Variants in VPS53 observed in about 807,000 individuals in gnomAD.
The protein encoded by VPS53 is VPS53 subunit of GARP complex.
A neutral mutation model predicts 107.0 loss-of-function variants in VPS53; 70 were observed. The observed-to-expected ratio is 0.65, with a 90% CI of 0.54 to 0.80. The LOEUF (loss-of-function observed/expected upper bound fraction) is 0.80. VPS53 is among the 30% of genes least tolerant of loss of function. The pLI is 0.00. For missense variants in VPS53, 917 were observed against 1,049.4 expected (o/e 0.87, Z 1.74); for synonymous variants, 409 against 393.3 (o/e 1.04, Z -0.47).
intron 13 of VPS53, among the ~76,000 whole-genome samples, chr17:564,898 C>T (rs1236644212): frequency 1.3e-5 from 2 of 152,276 alleles, no homozygotes; most frequent in African/African-American, 2.4e-5. Context: ...GCTGCCTGCA[C>T]AGCTGTGCTG....
intron 2 of VPS53, among the ~76,000 whole-genome samples, chr17:700,646 A>C (rs1285846639): frequency 6.6e-6 from 1 of 152,216 alleles, no homozygotes; most frequent in Non-Finnish European, 1.5e-5. Flanking sequence ...ACAACAATTA[A>C]AACAAAGGGA....
intron 4 of VPS53, among the ~76,000 whole-genome samples, chr17:681,250 C>T (rs968472018): frequency 1.3e-5 from 2 of 152,194 alleles, no homozygotes; most frequent in Non-Finnish European, 1.5e-5. Context: ...TATTCTTCTG[C>T]CTCAGCCTCC....
At chr17:676,812 C>G (rs1041106466) in intron 4 of VPS53, among the ~76,000 whole-genome samples, 3 of 150,606 alleles carry the variant, frequency 2.0e-5, no homozygotes, top group Admixed American at 1.3e-4. Context: ...AACTGCTGGA[C>G]TAGTTAACTA....
chr17:685,606 T>G (rs1028291524), intron 4 of VPS53, among the ~76,000 whole-genome samples: 2 of 152,168 alleles, frequency 1.3e-5, no homozygotes, highest in African/African-American at 4.8e-5. Flanking sequence ...AAATTACATG[T>G]ATTAATAAAT....
rs1039307307 is a variant in VPS53, at chr17:667,047, A to G, written c.286-5152T>C. Among the ~76,000 whole-genome samples, 11 of 152,240 alleles carry G rather than the reference A, an allele frequency of 7.2e-5. No homozygotes were observed. The East Asian group carries it at 1.9e-3, about 27-fold the overall frequency. The stretch of plus-strand genomic sequence containing the variant: ...GACATGAAGTAGAGGCTGTGATCAC[A>G]GAGCAGGCCACAAATGATGGCCTGT... On this transcript the variant is annotated intron_variant, in intron 4 of 21. Transcript: ENST00000437048.
chr17:699,361 T>TC lies in VPS53; in HGVS notation c.187dup (p.Glu63GlyfsTer7). ...TTTCAGCCTAATTTTGTTCACGACTTCGTCTATGTTCGCCAGAGACTACAA... is the reference window on the plus strand; with the variant it reads ...TTTCAGCCTAATTTTGTTCACGACTTCCGTCTATGTTCGCCAGAGACTACAA... On this transcript the variant is annotated frameshift_variant, in exon 3 of 22. Transcript: ENST00000437048. LOFTEE classifies it high-confidence loss of function. 1 of 1,574,336 alleles carries TC rather than the reference T, an allele frequency of 6.4e-7. No homozygotes were observed. Among genetic ancestry groups the TC allele is most frequent in the African/African-American group, 1.4e-5 (1 of 72,474 alleles).
At chr17:593,763 G>C (rs1028917533) in intron 12 of VPS53, among the ~76,000 whole-genome samples, 4 of 152,134 alleles carry the variant, frequency 2.6e-5, no homozygotes, top group Non-Finnish European at 4.4e-5. Flanking sequence ...ATTCCTCAGG[G>C]ATCTAGAACT....
chr17:555,852 T>C (rs1019763097), intron 15 of VPS53, among the ~76,000 whole-genome samples: 4 of 152,178 alleles, frequency 2.6e-5, no homozygotes, highest in African/African-American at 7.2e-5. Flanking sequence ...CAAAGTAAAA[T>C]GTCCATTAAT....
chr17:521,823 C>A, intron 19 of VPS53, 85 bp from the exon 20 acceptor site: 3 of 1,326,270 alleles, frequency 2.3e-6, no homozygotes, highest in Non-Finnish European at 2.0e-6. Flanking sequence ...ATGTTTTTCT[C>A]GTTATACACG....
intron 7 of VPS53, among the ~76,000 whole-genome samples, chr17:648,699 C>A (rs1437129319): frequency 6.6e-6 from 1 of 151,522 alleles, no homozygotes; most frequent in Admixed American, 6.6e-5. Flanking sequence ...GAAGATCTTA[C>A]ACTGGAGGAC....
chr17:657,246 G>A, intron 5 of VPS53: 1 of 1,079,508 alleles, frequency 9.3e-7, no homozygotes, highest in Non-Finnish European at 1.4e-6. Context: ...CAGGTGTACA[G>A]CAAAGCAACC....
intron 13 of VPS53, among the ~76,000 whole-genome samples, chr17:578,498 C>T (rs1349038044): frequency 6.7e-6 from 1 of 150,000 alleles, no homozygotes; most frequent in South Asian, 2.1e-4. Context: ...TAATGCATTC[C>T]TAGAGAACTT....
At position 556,365 on chromosome 17, in the gene VPS53, G is replaced by A. The variant is rs147815188; in HGVS notation, c.1705-2903C>T. On this transcript the variant is annotated intron_variant, in intron 15 of 21. Transcript: ENST00000437048. ...ATACATCATTATTGGTTCATTAATT[G>A]TAACAAATATTTCATATCAATGTTA... Among the ~76,000 whole-genome samples, 197 of 152,304 alleles carry A rather than the reference G, an allele frequency of 1.3e-3. 1 individual carries two copies. Among genetic ancestry groups the A allele is most frequent in the African/African-American group, 4.6e-3 (192 of 41,566 alleles).
intron 7 of VPS53, among the ~76,000 whole-genome samples, chr17:640,912 T>C (rs537669656): frequency 2.5e-4 from 38 of 152,148 alleles, no homozygotes; most frequent in South Asian, 2.5e-3. Flanking sequence ...TGGAGTGCAA[T>C]GGGATAATCT....
intron 17 of VPS53, among the ~76,000 whole-genome samples, chr17:541,729 CCG>C: frequency 5.3e-5 from 8 of 149,994 alleles, no homozygotes; most frequent in African/African-American, 2.0e-4. Context: ...TTATCAAGCA[CCG>C]ACTACGCACT....
At chr17:596,565 C>T (rs762008777) in intron 12 of VPS53, among the ~76,000 whole-genome samples, 4 of 152,172 alleles carry the variant, frequency 2.6e-5, no homozygotes, top group Admixed American at 6.5e-5. Flanking sequence ...CCACAGCACC[C>T]GGGTCCTCTT....
intron 15 of VPS53, 70 bp downstream of exon 15, chr17:560,356 A>G: frequency 6.5e-7 from 1 of 1,532,372 alleles, no homozygotes; most frequent in Admixed American, 2.0e-5. Flanking sequence ...GTATATTCTT[A>G]CTCGCCGAGC....
At chr17:623,727 T>A in intron 10 of VPS53, 53 bp from the exon 11 acceptor site, 1 of 1,555,608 alleles carries the variant, frequency 6.4e-7, no homozygotes, top group African/African-American at 1.4e-5. Flanking sequence ...ATTCATTCAG[T>A]AGAGATAAGG....
Position 514,407 on chromosome 17 carries a change from GAATCCCATTTCC to G in VPS53, c.*4709_*4720del. ...ATTCCGAGTGCTCTTCCTAGGTAAG[GAATCCCATTTCC>G]AGCAGGTTATTCTGAGTGCTCTTCC... On this transcript the variant is annotated 3_prime_UTR_variant, in exon 22 of 22. Coordinates refer to ENST00000437048, the MANE Select transcript of VPS53 (RefSeq NM_001128159.3). 2 of 120,284 alleles carry G rather than the reference GAATCCCATTTCC, an allele frequency of 1.7e-5. No homozygotes were observed. The highest frequency in any genetic ancestry group is 2.6e-4 in the East Asian group (1 of 3,774). 7.5% of individuals were successfully genotyped at this position (120,284 alleles called of 1,614,324 possible).
Sources: gnomAD v4.1 joint callset for allele counts (sites outside exome capture counted in the v4.1 genomes callset) on GRCh38, gnomAD v4.1.1 for gene constraint, MANE v1.5 for transcripts, NCBI Gene and HGNC (gene_info 2026-07-23, HGNC 2026-07-21) for gene names.